The following HIPK2 variants were observed in gnomAD, a reference collection of about 807,000 sequenced individuals.
HIPK2 encodes the protein homeodomain-interacting protein kinase 2.
A neutral mutation model predicts 113.7 loss-of-function variants in HIPK2; 27 were observed. The ratio of observed to expected loss-of-function variants is 0.24; its 90% confidence interval spans 0.17 to 0.33. The LOEUF (loss-of-function observed/expected upper bound fraction) is 0.33. Ranked by LOEUF, HIPK2 falls within the 10% of genes least tolerant of loss-of-function variation. The pLI is 1.00. For missense variants in HIPK2, 1,257 were observed against 1,588.0 expected (o/e 0.79, Z 3.54); for synonymous variants, 631 against 642.2 (o/e 0.98, Z 0.26).
intron 1 of HIPK2, among the ~76,000 whole-genome samples, chr7:139,724,768 G>A (rs1203788225): frequency 6.9e-6 from 1 of 144,132 alleles, no homozygotes; most frequent in Non-Finnish European, 1.5e-5. Flanking sequence ...ATCTATGAGT[G>A]AGAACATGCG....
chr7:139,620,913 A>T (rs1326079085), intron 6 of HIPK2, among the ~76,000 whole-genome samples: 1 of 152,106 alleles, frequency 6.6e-6, no homozygotes, highest in African/African-American at 2.4e-5. Context: ...TGGCCCACAA[A>T]CCAATGTATA....
rs897173199 is a variant in HIPK2, at chr7:139,565,896, A to G, written c.*7031T>C. On this transcript the variant is annotated 3_prime_UTR_variant, in exon 15 of 15. Transcript: ENST00000406875. Reference sequence around the variant, plus strand: ...AAGTGCAGTAAAAAATAGCATTTTGAAAAAAATATATACCTTTAGTATTGC... The same window carrying G: ...AAGTGCAGTAAAAAATAGCATTTTGGAAAAAATATATACCTTTAGTATTGC... The G allele has an allele frequency of 1.3e-5, 2 of 152,090 alleles. No homozygotes were observed. The highest frequency in any genetic ancestry group is 4.8e-5 in the African/African-American group (2 of 41,428). 9.4% of individuals were successfully genotyped at this position (152,090 alleles called of 1,614,324 possible).
intron 2 of HIPK2, among the ~76,000 whole-genome samples, chr7:139,684,980 TAA>T (rs1200635785): frequency 6.6e-6 from 1 of 152,034 alleles, no homozygotes; most frequent in Non-Finnish European, 1.5e-5. Flanking sequence ...CTGTGGAAGC[TAA>T]GAGAGGTGAG....
chr7:139,576,383 G>C (rs992760756), intron 13 of HIPK2, among the ~76,000 whole-genome samples: 2 of 152,164 alleles, frequency 1.3e-5, no homozygotes, highest in African/African-American at 2.4e-5. Flanking sequence ...CAGCAGCTCT[G>C]GGGGGCCCGA....
At chr7:139,725,735 G>A (rs968565595) in intron 1 of HIPK2, among the ~76,000 whole-genome samples, 2 of 152,168 alleles carry the variant, frequency 1.3e-5, no homozygotes, top group African/African-American at 4.8e-5. Flanking sequence ...CTCTCTATAT[G>A]TCAGACTCCA....
chr7:139,680,472 G>A (rs1367321327), intron 2 of HIPK2, among the ~76,000 whole-genome samples: 2 of 152,182 alleles, frequency 1.3e-5, no homozygotes, highest in South Asian at 2.1e-4. Flanking sequence ...AGGTGCCTTG[G>A]GTTTTGAGGG....
intron 1 of HIPK2, among the ~76,000 whole-genome samples, chr7:139,763,900 C>A (rs556874240): frequency 6.6e-6 from 1 of 152,200 alleles, no homozygotes. Flanking sequence ...AAACAAGTAC[C>A]CTTTCAACTG....
intron 2 of HIPK2, among the ~76,000 whole-genome samples, chr7:139,696,366 A>G (rs977900731): frequency 6.6e-6 from 1 of 152,090 alleles, no homozygotes; most frequent in Non-Finnish European, 1.5e-5. Context: ...TGAGGCCAGG[A>G]GTTTGAGACA....
intron 1 of HIPK2, among the ~76,000 whole-genome samples, chr7:139,747,109 A>G (rs1303172022): frequency 6.6e-6 from 1 of 152,142 alleles, no homozygotes; most frequent in Non-Finnish European, 1.5e-5. Context: ...AACTGCACCA[A>G]ATACTGCCCA....
chr7:139,703,683 T>C (rs1300380095), intron 2 of HIPK2, among the ~76,000 whole-genome samples: 37 of 90,326 alleles, frequency 4.1e-4, no homozygotes, highest in African/African-American at 1.3e-3. Context: ...AACCAACACA[T>C]ACCACACCCA....
Position 139,571,166 on chromosome 7 carries a change from A to G in HIPK2, c.*1761T>C, listed in dbSNP as rs1300666845. The G allele has an allele frequency of 2.0e-4, 30 of 152,334 alleles. No homozygotes were observed. The highest frequency in any genetic ancestry group is 4.4e-5 in the Non-Finnish European group (3 of 68,102). 9.4% of individuals were successfully genotyped at this position (152,334 alleles called of 1,614,324 possible). A position where few individuals can be genotyped will look rare whatever the true frequency, so the allele number is the denominator to read the frequency against. On this transcript the variant is annotated 3_prime_UTR_variant, in exon 15 of 15. Coordinates refer to ENST00000406875, the MANE Select transcript of HIPK2 (RefSeq NM_022740.5). Reference sequence around the variant, plus strand: ...AATCATGTCTTGAGCAGACCTGGGTAATGTGAGGAGAGAATTCAACAGCAA... The same window carrying G: ...AATCATGTCTTGAGCAGACCTGGGTGATGTGAGGAGAGAATTCAACAGCAA...
At position 139,716,345 on chromosome 7, in the gene HIPK2, C is replaced by T. The variant is rs370169819; in HGVS notation, c.690G>A (p.Leu230=). The stretch of plus-strand genomic sequence containing the variant: ...GTCGGGCATAGGATGGGTGGTTCTT[C>T]AGGATCTTGATGGCTACGATCTCAT... ...GTNEIVAIKI[L]KNHPSYARQG... The change falls in exon 2 of 15, where the codon CTG becomes CTA. Residue 230 remains leucine, a synonymous_variant. Transcript: ENST00000406875. This position sits in a 1 kb window ranked among gnomAD's most constrained non-coding sequence, Gnocchi z 9.3. 1.2e-4 allele frequency: 188 copies of T among 1,614,058 alleles called. No homozygotes were observed. Among genetic ancestry groups the T allele is most frequent in the Non-Finnish European group, 1.5e-4 (177 of 1,180,042 alleles).
At chr7:139,585,223 G>A (rs145025249) in intron 12 of HIPK2, among the ~76,000 whole-genome samples, 2,174 of 152,306 alleles carry the variant, frequency 0.014, 30 homozygotes, top group Non-Finnish European at 0.02. Flanking sequence ...CGGGTATCTT[G>A]TTTGAGGCCA....
At chr7:139,728,970 AG>A (rs2117018063) in intron 1 of HIPK2, among the ~76,000 whole-genome samples, 1 of 152,300 alleles carries the variant, frequency 6.6e-6, no homozygotes, top group Non-Finnish European at 1.5e-5. Context: ...CTTCTGAAAA[AG>A]GCCATATAGG....
chr7:139,668,232 G>A (rs113370145), intron 2 of HIPK2, among the ~76,000 whole-genome samples: 32,289 of 151,372 alleles, frequency 0.21, 3,785 homozygotes, highest in East Asian at 0.41. Flanking sequence ...TGTTAACTAA[G>A]TAAGTATAAT....
intron 2 of HIPK2, among the ~76,000 whole-genome samples, chr7:139,657,059 C>CG (rs1469746965): frequency 6.6e-6 from 1 of 152,088 alleles, no homozygotes; most frequent in Non-Finnish European, 1.5e-5. Context: ...TTAATAGAGA[C>CG]GGGGTTTCAC....
Position 139,569,768 on chromosome 7 carries a change from C to T in HIPK2, c.*3159G>A, listed in dbSNP as rs561268024. 3 of 151,756 alleles carry T rather than the reference C, an allele frequency of 2.0e-5. No individual in the cohort carries two copies. The highest frequency in any genetic ancestry group is 7.3e-5 in the African/African-American group (3 of 41,310). The allele number at this position is 151,756 out of a possible 1,614,324, so 9.4% of individuals were successfully genotyped here. A position where few individuals can be genotyped will look rare whatever the true frequency, so the allele number is the denominator to read the frequency against. ...TTTTTTTTTGCCTGACAAAACTGGACATCTGGATGTCCCTCCAGTCTACTT... is the reference window on the plus strand; with the variant it reads ...TTTTTTTTTGCCTGACAAAACTGGATATCTGGATGTCCCTCCAGTCTACTT... On this transcript the variant is annotated 3_prime_UTR_variant, in exon 15 of 15. Transcript: ENST00000406875.
chr7:139,639,914 A>C (rs150782899), intron 2 of HIPK2, among the ~76,000 whole-genome samples: 55 of 151,950 alleles, frequency 3.6e-4, no homozygotes, highest in Non-Finnish European at 6.2e-4. Flanking sequence ...TGGGTTGATC[A>C]TCACATGTCG....
In HIPK2 at chr7:139,717,059, G is replaced by A. The variant is rs527982251; in HGVS notation, c.20-44C>T. 39 of 1,564,964 alleles carry A rather than the reference G, an allele frequency of 2.5e-5. No homozygotes were observed. In the African/African-American group the frequency reaches 3.2e-4, roughly 13 times the overall value. ...GAAAAGTAAGTATCGGAGTCACCTT[G>A]GTACAAGTAAACTCAACAGATCCCC... is the stretch of plus-strand genomic sequence containing the variant. On this transcript the variant is annotated intron_variant, in intron 1 of 14. Coordinates refer to ENST00000406875, the MANE Select transcript of HIPK2 (RefSeq NM_022740.5).
Sources: allele counts gnomAD v4.1 joint callset (sites outside exome capture counted in the v4.1 genomes callset), GRCh38; gene constraint gnomAD v4.1.1; non-coding constraint Gnocchi (gnomAD v3.1); transcripts MANE v1.5; gene names NCBI Gene and HGNC (gene_info 2026-07-23, HGNC 2026-07-21).